ASIC2: variants seen among roughly 807,000 people sequenced by gnomAD.
The protein encoded by ASIC2 is acid sensing ion channel subunit 2.
Under a neutral mutation model 57.3 loss-of-function variants are expected in ASIC2, and 25 were observed. The observed-to-expected ratio is 0.44, with a 90% CI of 0.32 to 0.61. The LOEUF is 0.61. ASIC2 is among the 20% of genes least tolerant of loss of function. The pLI, the probability that ASIC2 is intolerant of heterozygous loss-of-function variation, is 0.06. For synonymous variants in ASIC2, 319 were observed against 307.5 expected, an observed-to-expected ratio of 1.04 and a Z score of -0.39; for missense variants, 641 against 738.1, an observed-to-expected ratio of 0.87 and a Z score of 1.52.
At chr17:33,291,244 CAGG>C (rs1905424807) in intron 1 of ASIC2, 161 bp downstream of exon 1, 4 of 1,384,390 alleles carry the variant, frequency 2.9e-6, no homozygotes, top group Non-Finnish European at 3.8e-6. Flanking sequence ...CCACAACCTG[CAGG>C]AGAAGACTCA....
At chr17:33,599,414 T>C (rs980215418) in intron 1 of ASIC2, among the ~76,000 whole-genome samples, 3 of 152,090 alleles carry the variant, frequency 2.0e-5, no homozygotes, top group Non-Finnish European at 4.4e-5. Context: ...TCTCAGGACA[T>C]GTAGGAGGCT....
chr17:33,531,108 G>GAT (rs3032129), intron 1 of ASIC2, among the ~76,000 whole-genome samples: 5 of 151,842 alleles, frequency 3.3e-5, no homozygotes, highest in African/African-American at 1.2e-4. Context: ...CACACAGCTT[G>GAT]AAGGTTTGAA....
chr17:33,695,139 A>C (rs558947085), intron 1 of ASIC2, among the ~76,000 whole-genome samples: 1 of 152,370 alleles, frequency 6.6e-6, no homozygotes, highest in East Asian at 1.9e-4. Context: ...TAATTTAAAC[A>C]CTGACTTGGT....
chr17:33,694,191 C>G (rs1908457786), intron 1 of ASIC2, among the ~76,000 whole-genome samples: 1 of 152,184 alleles, frequency 6.6e-6, no homozygotes, highest in Non-Finnish European at 1.5e-5. Flanking sequence ...AAGTCCCAGC[C>G]AAGGCCATGG....
At chr17:33,506,279 G>A (rs772053691) in intron 1 of ASIC2, among the ~76,000 whole-genome samples, 3 of 151,754 alleles carry the variant, frequency 2.0e-5, no homozygotes, top group Admixed American at 6.6e-5. Context: ...TGGGTGTGGT[G>A]GCGGGCGCCT....
intron 1 of ASIC2, among the ~76,000 whole-genome samples, chr17:33,789,875 G>A (rs939569325): frequency 1.3e-5 from 2 of 152,198 alleles, no homozygotes; most frequent in Non-Finnish European, 2.9e-5. Context: ...CAGTTCACTG[G>A]GTGTGGTGAT....
At chr17:33,209,291 T>C (rs1907185374) in intron 1 of ASIC2, among the ~76,000 whole-genome samples, 1 of 152,348 alleles carries the variant, frequency 6.6e-6, no homozygotes, top group Admixed American at 6.5e-5. Flanking sequence ...TATAAGTTGT[T>C]CCAGTTTTGT....
At chr17:33,923,404 G>C (rs1915751245) in intron 1 of ASIC2, among the ~76,000 whole-genome samples, 1 of 152,172 alleles carries the variant, frequency 6.6e-6, no homozygotes. Context: ...TCATCACCCA[G>C]TCCAAGGGTC....
At chr17:33,582,580 C>A (rs1216267542) in intron 1 of ASIC2, among the ~76,000 whole-genome samples, 1 of 152,164 alleles carries the variant, frequency 6.6e-6, no homozygotes, top group East Asian at 1.9e-4. Context: ...CAGTAACTAC[C>A]TCATAGGGTT....
chr17:33,404,878 C>T (rs1318366086), intron 1 of ASIC2, among the ~76,000 whole-genome samples: 1 of 152,096 alleles, frequency 6.6e-6, no homozygotes, highest in Non-Finnish European at 1.5e-5. Context: ...ATGTCTTTTC[C>T]ATGTGACCCA....
In ASIC2 at chr17:33,291,749, C is replaced by G. The variant is rs2142182590; in HGVS notation, c.367G>C (p.Glu123Gln). 1.2e-6 allele frequency: 2 copies of G among 1,613,338 alleles called. No homozygotes were observed. Among genetic ancestry groups the G allele is most frequent in the East Asian group, 2.2e-5 (1 of 44,842 alleles). The change falls in exon 1 of 10, where the codon GAG becomes CAG. Residue 123 changes from glutamate to glutamine, a missense_variant. Around this residue, in one of 3 missense-constraint regions of ASIC2, gnomAD observed 382 missense variants for 398.0 expected, o/e 0.96. Coordinates refer to ENST00000225823, the MANE Select transcript of ASIC2 (RefSeq NM_183377.2). ...GGGAAGGGTAACTGGCGGCTCCACT[C>G]GCGGTGCACCCGCGTGTGTGACGGG... ...SFPSHTRVHR[E>Q]WSRQLPFPAV... is the part of the protein sequence containing the mutation.
At chr17:33,647,523 G>A (rs1906781585) in intron 1 of ASIC2, among the ~76,000 whole-genome samples, 1 of 152,186 alleles carries the variant, frequency 6.6e-6, no homozygotes, top group Non-Finnish European at 1.5e-5. Context: ...GCAGTAGGGA[G>A]GTCTGGGACC....
intron 1 of ASIC2, among the ~76,000 whole-genome samples, chr17:33,724,939 G>T (rs1339361179): frequency 6.6e-6 from 1 of 152,094 alleles, no homozygotes; most frequent in Non-Finnish European, 1.5e-5. Context: ...CATCTATTTT[G>T]CAGTAAGGGC....
chr17:33,953,204 T>C (rs1162737185), intron 1 of ASIC2, among the ~76,000 whole-genome samples: 13 of 152,208 alleles, frequency 8.5e-5, no homozygotes, highest in African/African-American at 3.1e-4. Flanking sequence ...ACATTTCTCC[T>C]ACCTTTTTAT....
intron 1 of ASIC2, among the ~76,000 whole-genome samples, chr17:33,579,632 G>A (rs562008304): frequency 1.7e-4 from 26 of 152,262 alleles, no homozygotes; most frequent in African/African-American, 5.5e-4. Context: ...GTTCAGCTGC[G>A]TCTGAAGTTT....
intron 1 of ASIC2, among the ~76,000 whole-genome samples, chr17:33,174,896 C>G (rs1378165306): frequency 6.6e-6 from 1 of 152,118 alleles, no homozygotes; most frequent in Non-Finnish European, 1.5e-5. Flanking sequence ...ATAAGTCAGT[C>G]CGTTGTGACT....
chr17:33,891,508 T>C (rs749909199), intron 1 of ASIC2, among the ~76,000 whole-genome samples: 2 of 152,164 alleles, frequency 1.3e-5, no homozygotes, highest in Non-Finnish European at 2.9e-5. Context: ...TACTACATCA[T>C]AACATTTTCT....
At chr17:33,568,938 G>T (rs1916339619) in intron 1 of ASIC2, among the ~76,000 whole-genome samples, 1 of 152,138 alleles carries the variant, frequency 6.6e-6, no homozygotes, top group South Asian at 2.1e-4. Context: ...TATCACGAAA[G>T]GCAGATGGCA....
At chr17:33,202,211 T>C (rs1906896305) in intron 1 of ASIC2, among the ~76,000 whole-genome samples, 1 of 151,996 alleles carries the variant, frequency 6.6e-6, no homozygotes, top group Non-Finnish European at 1.5e-5. Context: ...ACACCAACGA[T>C]GCGGATGGGC....
Sources: gnomAD v4.1 joint callset for allele counts (sites outside exome capture counted in the v4.1 genomes callset) on GRCh38, gnomAD v4.1.1 for gene constraint, gnomAD v4.1.1 regional missense constraint, MANE v1.5 for transcripts, NCBI Gene and HGNC (gene_info 2026-07-23, HGNC 2026-07-21) for gene names.